RYR2: variants seen among roughly 807,000 people sequenced by gnomAD.
RYR2 encodes cardiac muscle ryanodine receptor-calcium release channel.
Under a neutral mutation model 601.1 loss-of-function variants are expected in RYR2, and 227 were observed. The observed-to-expected ratio is 0.38, with a 90% CI of 0.34 to 0.42. RYR2 has a LOEUF of 0.42. RYR2 is among the 10% of genes least tolerant of loss of function. The pLI, the probability that RYR2 is intolerant of heterozygous loss-of-function variation, is 1.00. For synonymous variants in RYR2, 2,223 were observed against 2,175.1 expected, an observed-to-expected ratio of 1.02 and a Z score of -0.61; for missense variants, 4,646 against 6,156.5, an observed-to-expected ratio of 0.75 and a Z score of 8.21.
chr1:237,823,563 CA>C (rs1029020248), intron 101 of RYR2, among the ~76,000 whole-genome samples: 1 of 152,002 alleles, frequency 6.6e-6, no homozygotes, highest in Non-Finnish European at 1.5e-5. Context: ...ACTAAATGCC[CA>C]AAAGAGAAAG....
chr1:237,336,745 T>A lies in RYR2; in HGVS notation c.273+5763T>A, dbSNP rs192888772. 2.2e-4 allele frequency among the ~76,000 whole-genome samples: 34 copies of A among 151,796 alleles called. No homozygotes were observed. The East Asian group carries it at 5.8e-3, about 26-fold the overall frequency. ...GGTGGCGCACACCTGTAATCCCAGC[T>A]ACTCGGGAGGCTGAAGCAAGAGAAT... On this transcript the variant is annotated intron_variant, in intron 3 of 104. Transcript: ENST00000366574.
intron 96 of RYR2, among the ~76,000 whole-genome samples, chr1:237,796,611 C>T (rs531041902): frequency 1.1e-3 from 163 of 152,044 alleles, no homozygotes; most frequent in Non-Finnish European, 2.0e-3. Context: ...CAGTATATTT[C>T]CTTCTTCATT....
chr1:237,275,113 T>C lies in RYR2; in HGVS notation c.168+4497T>C, dbSNP rs531477706. ...ACACGCACACACACACACACACACA[T>C]ACACACCGCACACATAAAATGTTTT... is the stretch of plus-strand genomic sequence containing the variant. On this transcript the variant is annotated intron_variant, in intron 2 of 104. Transcript: ENST00000366574. Among the ~76,000 whole-genome samples, 1,472 of 150,884 alleles carry C rather than the reference T, an allele frequency of 9.8e-3. 18 individuals carry two copies. Among genetic ancestry groups the C allele is most frequent in the Non-Finnish European group, 0.015 (1,028 of 67,760 alleles).
rs1664054546 is a variant in RYR2 at position 237,833,525 on chromosome 1, A to C, written c.*878A>C. The C allele has an allele frequency of 7.3e-6, 1 of 136,748 alleles. No homozygotes were observed. Among genetic ancestry groups the C allele is most frequent in the Non-Finnish European group, 1.5e-5 (1 of 65,938 alleles). The allele number at this position is 136,748 out of a possible 1,614,324, so 8.5% of individuals were successfully genotyped here. A position where few individuals can be genotyped will look rare whatever the true frequency, so the allele number is the denominator to read the frequency against. Reference sequence around the variant, plus strand: ...TTATGCAAGTTTAAATGAACAAAGAAAACCTTCAGAAACAAGTTGATCAAC... The same window carrying C: ...TTATGCAAGTTTAAATGAACAAAGACAACCTTCAGAAACAAGTTGATCAAC... On this transcript the variant is annotated 3_prime_UTR_variant, in exon 105 of 105. Coordinates refer to ENST00000366574, the MANE Select transcript of RYR2 (RefSeq NM_001035.3).
intron 58 of RYR2, among the ~76,000 whole-genome samples, chr1:237,673,223 A>G (rs1025962051): frequency 2.6e-5 from 4 of 152,144 alleles, no homozygotes; most frequent in Admixed American, 6.5e-5. Flanking sequence ...TGTTTTACGA[A>G]TGTTAGATGT....
intron 2 of RYR2, among the ~76,000 whole-genome samples, chr1:237,308,597 A>G (rs1694146222): frequency 6.6e-6 from 1 of 152,016 alleles, no homozygotes; most frequent in South Asian, 2.1e-4. Context: ...GTTCTTTCTG[A>G]TGCTCAGATG....
At chr1:237,587,831 C>A (rs1674703526) in intron 29 of RYR2, among the ~76,000 whole-genome samples, 1 of 152,068 alleles carries the variant, frequency 6.6e-6, no homozygotes, top group Non-Finnish European at 1.5e-5. Flanking sequence ...TACAGCTATC[C>A]AATAACTTTC....
chr1:237,669,670 G>C (rs1448527018), intron 58 of RYR2, among the ~76,000 whole-genome samples: 35 of 151,048 alleles, frequency 2.3e-4, no homozygotes, highest in Admixed American at 4.0e-4. Flanking sequence ...GGCAGAGGCG[G>C]TCCCCACATC....
chr1:237,548,535 A>C lies in RYR2; in HGVS notation c.3011A>C (p.His1004Pro), dbSNP rs764656098. The C allele has an allele frequency of 6.2e-7, 1 of 1,614,060 alleles. No homozygotes were observed. The highest frequency in any genetic ancestry group is 8.5e-7 in the Non-Finnish European group (1 of 1,179,896). Residue 1004 changes from histidine to proline, a missense_variant, in exon 26 of 105, where the codon CAT becomes CCT. His to Pro is a moderately conservative substitution (Grantham distance 77, BLOSUM62 -2). Transcript: ENST00000366574. ...GTGGACAAGTTGGCAGAAAATGCAC[A>C]TAATGTGTGGGCGCGGGATCGAATC... ...AMVDKLAENA[H>P]NVWARDRIRQ...
At position 237,783,746 on chromosome 1, in the gene RYR2, A is replaced by ATGAT; in HGVS notation, c.12036_12039dup (p.Leu4014AspfsTer6). The ATGAT allele has an allele frequency of 6.2e-7, 1 of 1,612,730 alleles. No homozygotes were observed. Among genetic ancestry groups the ATGAT allele is most frequent in the Non-Finnish European group, 8.5e-7 (1 of 1,179,340 alleles). On this transcript the variant is annotated frameshift_variant, in exon 90 of 105. Transcript: ENST00000366574. LOFTEE classifies it high-confidence loss of function. ...TGTGGAATCTTCCAACAACGTGGAG[A>ATGAT]TGATTCTCAAATTTTTTGACATGTT...
chr1:237,829,824 T>A (rs990151148), intron 102 of RYR2, among the ~76,000 whole-genome samples: 6 of 152,128 alleles, frequency 3.9e-5, no homozygotes, highest in African/African-American at 9.7e-5. Flanking sequence ...TTGAATACAT[T>A]GCTTCTCCTT....
In RYR2 at chr1:237,700,252, A is replaced by G; in HGVS notation, c.9152A>G (p.Glu3051Gly). The G allele has an allele frequency of 6.4e-7, 1 of 1,572,884 alleles. No homozygotes were observed. Residue 3051 changes from glutamate (E) to glycine (G), a missense_variant, in exon 65 of 105, where the codon GAG (glutamate) becomes GGG (glycine). Around this residue, in one of 17 missense-constraint regions of RYR2, gnomAD observed 1,497 missense variants for 1,842.6 expected, o/e 0.81. Coordinates refer to ENST00000366574, the MANE Select transcript of RYR2 (RefSeq NM_001035.3). The part of the protein sequence containing the change: ...DARTVMKTGL[E>G]SVKSALRAFL... ...AGGACAGTGATGAAGACTGGCCTGG[A>G]GAGTGTTAAAAGTGCACTCAGAGCT...
intron 79 of RYR2, among the ~76,000 whole-genome samples, chr1:237,735,028 A>T (rs770535035): frequency 1.3e-5 from 2 of 152,176 alleles, no homozygotes; most frequent in African/African-American, 2.4e-5. Context: ...AGGAGCTCAT[A>T]AAAAAGTTGG....
chr1:237,068,727 T>G (rs6684299), intron 1 of RYR2, among the ~76,000 whole-genome samples: 6,214 of 152,282 alleles, frequency 0.041, 426 homozygotes, highest in African/African-American at 0.14. Flanking sequence ...AATTAATTCT[T>G]CTTCACCATC....
At position 237,548,488 on chromosome 1, in the gene RYR2, C is replaced by T. The variant is rs202085370; in HGVS notation, c.2964C>T (p.Leu988=). Residue 988 remains leucine (L), a synonymous_variant, in exon 26 of 105, where the codon CTC becomes CTT. Transcript: ENST00000366574. The part of the protein sequence containing the change: ...PAPMDLSFIK[L]TPSQEAMVDK... Reference sequence around the variant, plus strand: ...CTATGGACCTGAGCTTTATCAAACTCACCCCATCACAAGAAGCAATGGTGG... The same window carrying T: ...CTATGGACCTGAGCTTTATCAAACTTACCCCATCACAAGAAGCAATGGTGG... 10 of 1,613,970 alleles carry T rather than the reference C, an allele frequency of 6.2e-6. No homozygotes were observed. The highest frequency in any genetic ancestry group is 8.5e-6 in the Non-Finnish European group (10 of 1,179,866).
intron 1 of RYR2, among the ~76,000 whole-genome samples, chr1:237,258,920 A>G (rs879490086): frequency 2.0e-5 from 3 of 152,130 alleles, no homozygotes; most frequent in Admixed American, 2.0e-4. Flanking sequence ...CTAGAAAAGC[A>G]TTGATGAAAG....
chr1:237,816,676 G>A (rs1174901076), intron 100 of RYR2, among the ~76,000 whole-genome samples: 2 of 137,746 alleles, frequency 1.5e-5, no homozygotes, highest in African/African-American at 2.8e-5. Flanking sequence ...GAGACGGAGC[G>A]AGACTCTATG....
chr1:237,823,373 C>A (rs7551244), intron 101 of RYR2, among the ~76,000 whole-genome samples: 39,905 of 151,994 alleles, frequency 0.26, 5,695 homozygotes, highest in East Asian at 0.61. Context: ...GGATTAAGAA[C>A]CTCACTTAAA....
intron 25 of RYR2, among the ~76,000 whole-genome samples, chr1:237,543,186 A>G (rs1413469288): frequency 6.6e-6 from 1 of 152,154 alleles, no homozygotes; most frequent in African/African-American, 2.4e-5. Flanking sequence ...CTCTCTTGAA[A>G]TGCCTCCTTC....
Sources: gnomAD v4.1 joint callset for allele counts (sites outside exome capture counted in the v4.1 genomes callset) on GRCh38, gnomAD v4.1.1 for gene constraint, gnomAD v4.1.1 regional missense constraint, MANE v1.5 for transcripts, NCBI Gene and HGNC (gene_info 2026-07-23, HGNC 2026-07-21) for gene names.